The following NKAIN3 variants were observed in gnomAD, a reference collection of about 807,000 sequenced individuals.
NKAIN3 encodes sodium/potassium-transporting ATPase subunit beta-1-interacting protein 3.
NKAIN3 carries 25 observed loss-of-function variants against 30.2 expected under a neutral mutation model. The ratio of observed to expected loss-of-function variants is 0.83; its 90% CI spans 0.60 to 1.16. NKAIN3 has a LOEUF of 1.16. NKAIN3 is among the 50% of genes most tolerant of loss of function. The pLI is 0.00. For missense variants in NKAIN3, 225 were observed against 254.1 expected (o/e 0.89, Z 0.78); for synonymous variants, 91 against 89.6 (o/e 1.02, Z -0.09).
At chr8:62,868,541 A>G (rs1203548122) in intron 4 of NKAIN3, among the ~76,000 whole-genome samples, 1 of 152,234 alleles carries the variant, frequency 6.6e-6, no homozygotes, top group Non-Finnish European at 1.5e-5. Flanking sequence ...AGACTAAAAT[A>G]ATGATGATAC....
chr8:62,249,416 G>A (rs1201427750), intron 1 of NKAIN3, among the ~76,000 whole-genome samples: 1 of 152,252 alleles, frequency 6.6e-6, no homozygotes. Flanking sequence ...GGGGCCAGGA[G>A]CCGGCGGAGT....
chr8:62,384,251 C>T (rs1180761357), intron 1 of NKAIN3, among the ~76,000 whole-genome samples: 1 of 152,056 alleles, frequency 6.6e-6, no homozygotes, highest in African/African-American at 2.4e-5. Context: ...TAAGAGGTGG[C>T]CATGAATTTA....
intron 5 of NKAIN3, among the ~76,000 whole-genome samples, chr8:62,997,191 C>T (rs1463555466): frequency 6.6e-6 from 1 of 152,164 alleles, no homozygotes; most frequent in Non-Finnish European, 1.5e-5. Context: ...TTCCTTCCCC[C>T]ACCCCACCCA....
At chr8:62,714,157 C>T (rs1428240007) in intron 3 of NKAIN3, among the ~76,000 whole-genome samples, 1 of 151,920 alleles carries the variant, frequency 6.6e-6, no homozygotes, top group Non-Finnish European at 1.5e-5. Context: ...GTTTCACAGA[C>T]TGTAATTGGT....
chr8:62,252,035 A>G (rs1812120157), intron 1 of NKAIN3, among the ~76,000 whole-genome samples: 1 of 152,234 alleles, frequency 6.6e-6, no homozygotes, highest in Non-Finnish European at 1.5e-5. Flanking sequence ...AAAATCTAAC[A>G]AAACCAATTC....
chr8:62,256,559 C>T (rs1411093776), intron 1 of NKAIN3, among the ~76,000 whole-genome samples: 2 of 152,162 alleles, frequency 1.3e-5, no homozygotes, highest in Admixed American at 6.5e-5. Context: ...GAGGGAGTGT[C>T]GTGTTTCCCA....
chr8:62,454,301 C>CAAAAAATAAAAAAAAAAAAAAA (rs1805742531), intron 1 of NKAIN3, among the ~76,000 whole-genome samples: 1 of 56,152 alleles, frequency 1.8e-5, no homozygotes. Context: ...AGCTGATGTG[C>CAAAAAATAAAAAAAAAAAAAAA]AAAAAAAAAA....
In NKAIN3 at chr8:62,881,017, C is replaced by T. The variant is rs563714478; in HGVS notation, c.472-37436C>T. ...ACTTTCTGCTCAATTTTGCTATGAC[C>T]GTAAAACTGTTCTAAAAAAATAAAA... On this transcript the variant is annotated intron_variant, in intron 4 of 6. Transcript: ENST00000623646. 7.9e-5 allele frequency among the ~76,000 whole-genome samples: 12 copies of T among 152,054 alleles called. No homozygotes were observed. The South Asian group carries it at 1.2e-3, about 16-fold the overall frequency.
chr8:62,502,405 C>T (rs1003960980), intron 1 of NKAIN3, among the ~76,000 whole-genome samples: 1 of 152,134 alleles, frequency 6.6e-6, no homozygotes, highest in African/African-American at 2.4e-5. Flanking sequence ...TAGTGAATAT[C>T]CTATTGCAAA....
At chr8:62,513,685 T>C (rs555018180) in intron 1 of NKAIN3, among the ~76,000 whole-genome samples, 1 of 151,510 alleles carries the variant, frequency 6.6e-6, no homozygotes, top group East Asian at 2.0e-4. Flanking sequence ...CTGGAGAAGA[T>C]GGAGAAATCC....
intron 3 of NKAIN3, among the ~76,000 whole-genome samples, chr8:62,592,478 G>A (rs1028691919): frequency 6.6e-6 from 1 of 151,934 alleles, no homozygotes; most frequent in Non-Finnish European, 1.5e-5. Context: ...CACTCCCATA[G>A]AGTAACCAAT....
At chr8:62,713,218 T>C (rs1032458652) in intron 3 of NKAIN3, among the ~76,000 whole-genome samples, 2 of 152,168 alleles carry the variant, frequency 1.3e-5, no homozygotes, top group African/African-American at 2.4e-5. Context: ...GCACACACAC[T>C]TGGGGTCCGC....
At position 62,797,059 on chromosome 8, in the gene NKAIN3, T is replaced by A. The variant is rs369270243; in HGVS notation, c.471+49930T>A. 1.6e-3 allele frequency among the ~76,000 whole-genome samples: 249 copies of A among 152,332 alleles called. 7 individuals carry two copies. In the South Asian group the frequency reaches 0.049, roughly 30 times the overall value. On this transcript the variant is annotated intron_variant, in intron 4 of 6. Transcript: ENST00000623646. ...GAATTGGATGAAAATATCTTCTACCTATTGTTTCTTCTGTATGTGACTTGA... is the reference window on the plus strand; with the variant it reads ...GAATTGGATGAAAATATCTTCTACCAATTGTTTCTTCTGTATGTGACTTGA...
chr8:62,715,236 T>A (rs1814856750), intron 3 of NKAIN3, among the ~76,000 whole-genome samples: 1 of 152,120 alleles, frequency 6.6e-6, no homozygotes, highest in East Asian at 1.9e-4. Context: ...GAGATTACAG[T>A]TCAATATGAG....
chr8:62,282,130 C>A (rs1813218936), intron 1 of NKAIN3, among the ~76,000 whole-genome samples: 1 of 151,982 alleles, frequency 6.6e-6, no homozygotes, highest in Admixed American at 6.6e-5. Context: ...TCAAGCCGAC[C>A]CCAGACCCTG....
At chr8:62,996,238 G>A (rs955162011) in intron 5 of NKAIN3, among the ~76,000 whole-genome samples, 4 of 152,192 alleles carry the variant, frequency 2.6e-5, no homozygotes, top group African/African-American at 4.8e-5. Context: ...GACAGAAGGC[G>A]AAAGGGAATG....
chr8:62,719,196 G>A (rs986630345), intron 3 of NKAIN3, among the ~76,000 whole-genome samples: 8 of 152,192 alleles, frequency 5.3e-5, no homozygotes, highest in African/African-American at 1.9e-4. Flanking sequence ...AAGCAGGTGT[G>A]CGGTTGACTA....
At position 62,259,869 on chromosome 8, in the gene NKAIN3, G is replaced by A. The variant is rs530250673; in HGVS notation, c.54+10742G>A. On this transcript the variant is annotated intron_variant, in intron 1 of 6. Coordinates refer to ENST00000623646, the MANE Select transcript of NKAIN3 (RefSeq NM_001304533.3). ...GAGAAACATTTATCCATTGGTAAAA[G>A]GAGACGAAGGTGAAGGTGGGTGGGC... Among the ~76,000 whole-genome samples, 5 of 152,280 alleles carry A rather than the reference G, an allele frequency of 3.3e-5. No homozygotes were observed. The East Asian group carries it at 9.7e-4, about 29-fold the overall frequency.
intron 4 of NKAIN3, among the ~76,000 whole-genome samples, chr8:62,888,875 T>A (rs990623822): frequency 2.6e-5 from 4 of 152,198 alleles, no homozygotes; most frequent in African/African-American, 9.7e-5. Context: ...TATTTATGTG[T>A]TATTCTGTGT....
Sources: gnomAD v4.1 joint callset for allele counts (sites outside exome capture counted in the v4.1 genomes callset) on GRCh38, gnomAD v4.1.1 for gene constraint, MANE v1.5 for transcripts, NCBI Gene and HGNC (gene_info 2026-07-23, HGNC 2026-07-21) for gene names.